Variants in RBFOX1 observed in about 807,000 individuals in gnomAD.
The protein encoded by RBFOX1 is RNA binding protein fox-1 homolog 1.
Under a neutral mutation model 57.7 loss-of-function variants are expected in RBFOX1, and 8 were observed. The ratio of observed to expected loss-of-function variants is 0.14; its 90% CI spans 0.08 to 0.25. The LOEUF is 0.25. RBFOX1 is among the 10% of genes least tolerant of loss of function. RBFOX1 has a pLI of 1.00. For missense variants in RBFOX1, 611 were observed against 548.5 expected (o/e 1.11, Z -1.14); for synonymous variants, 326 against 222.4 (o/e 1.47, Z -4.15).
chr16:6,956,830 A>G (rs1480394048), intron 3 of RBFOX1, among the ~76,000 whole-genome samples: 1 of 152,130 alleles, frequency 6.6e-6, no homozygotes, highest in Non-Finnish European at 1.5e-5. Flanking sequence ...GGCTGGAGCT[A>G]TCCAAGGATT....
At chr16:5,805,774 G>C (rs1206037547) in intron 3 of RBFOX1, among the ~76,000 whole-genome samples, 1 of 152,174 alleles carries the variant, frequency 6.6e-6, no homozygotes, top group Non-Finnish European at 1.5e-5. Context: ...TAGCAGAGAG[G>C]AAGTCAAGAG....
chr16:5,945,126 C>T (rs1273478146), intron 4 of RBFOX1, among the ~76,000 whole-genome samples: 1 of 152,038 alleles, frequency 6.6e-6, no homozygotes, highest in Non-Finnish European at 1.5e-5. Context: ...GCACATCCAT[C>T]CAGGCTTAGA....
At chr16:6,093,755 G>C (rs1287662335) in intron 1 of RBFOX1, among the ~76,000 whole-genome samples, 2 of 151,948 alleles carry the variant, frequency 1.3e-5, no homozygotes, top group African/African-American at 4.8e-5. Context: ...CTAAATAGCT[G>C]GGACCACAGG....
At chr16:7,351,341 C>T (rs2097126845) in intron 4 of RBFOX1, among the ~76,000 whole-genome samples, 2 of 152,252 alleles carry the variant, frequency 1.3e-5, no homozygotes, top group South Asian at 2.1e-4. Context: ...TTAGTTCATT[C>T]CTTTGATAAT....
intron 2 of RBFOX1, among the ~76,000 whole-genome samples, chr16:6,615,556 C>G (rs866937841): frequency 6.7e-6 from 1 of 149,094 alleles, no homozygotes; most frequent in Non-Finnish European, 1.5e-5. Flanking sequence ...GGAGAAAGAG[C>G]GAATCTCCAT....
chr16:7,145,229 G>A (rs1444402941), intron 4 of RBFOX1, among the ~76,000 whole-genome samples: 1 of 151,964 alleles, frequency 6.6e-6, no homozygotes, highest in East Asian at 1.9e-4. Flanking sequence ...TTTTGAGATG[G>A]AGTCTTGCTC....
chr16:7,279,481 A>T (rs574647853), intron 4 of RBFOX1, among the ~76,000 whole-genome samples: 36 of 152,306 alleles, frequency 2.4e-4, no homozygotes, highest in African/African-American at 8.2e-4. Context: ...GCCTGAGCGC[A>T]GCGTCCAGGT....
intron 4 of RBFOX1, among the ~76,000 whole-genome samples, chr16:7,505,621 A>G (rs1453823395): frequency 1.3e-5 from 2 of 152,222 alleles, no homozygotes; most frequent in African/African-American, 4.8e-5. Context: ...TGTAACTCCA[A>G]ATGGAAAATC....
intron 4 of RBFOX1, among the ~76,000 whole-genome samples, chr16:7,076,816 C>T (rs979848894): frequency 1.2e-4 from 19 of 152,316 alleles, no homozygotes; most frequent in South Asian, 2.1e-4. Context: ...CATATACCTC[C>T]TGTGAGCCCT....
At chr16:6,210,365 A>AAAAAAAAAAAAAAAG in intron 1 of RBFOX1, among the ~76,000 whole-genome samples, 1 of 132,776 alleles carries the variant, frequency 7.5e-6, no homozygotes, top group Non-Finnish European at 1.7e-5. Context: ...AAACACCAAA[A>AAAAAAAAAAAAAAAG]AAAAAAAAAA....
In RBFOX1 at chr16:5,291,424, T is replaced by A. The variant is rs535362268; in HGVS notation, c.219+51319T>A. ...ACTACAGGCACCCGCCACCACGCCC[T>A]GCTAATTTTTTTGTATTTTTAGTGG... On this transcript the variant is annotated intron_variant, in intron 1 of 2. Coordinates refer to the RBFOX1 transcript ENST00000585867. Among the ~76,000 whole-genome samples the A allele has an allele frequency of 3.0e-4, 46 of 152,086 alleles. No individual in the cohort carries two copies. In the South Asian group the frequency reaches 9.3e-3, roughly 31 times the overall value.
intron 3 of RBFOX1, among the ~76,000 whole-genome samples, chr16:5,761,505 C>A (rs2053587712): frequency 6.6e-6 from 1 of 152,308 alleles, no homozygotes; most frequent in Admixed American, 6.5e-5. Context: ...GGAGTCCTCA[C>A]AATCATGACA....
At position 6,471,696 on chromosome 16, in the gene RBFOX1, C is replaced by A. The variant is rs527286635; in HGVS notation, c.-64+154639C>A. ...GCTATGCTTCATGAAAGACCATGAGCCACAGGGAAGAGGTTTATTCATCTC... is the reference window on the plus strand; with the variant it reads ...GCTATGCTTCATGAAAGACCATGAGACACAGGGAAGAGGTTTATTCATCTC... On this transcript the variant is annotated intron_variant, in intron 2 of 15. Coordinates refer to ENST00000550418, the MANE Select transcript of RBFOX1 (RefSeq NM_018723.4). 2.4e-4 allele frequency among the ~76,000 whole-genome samples: 37 copies of A among 152,142 alleles called. No homozygotes were observed. The South Asian group carries it at 6.9e-3, about 28-fold the overall frequency.
At chr16:6,839,758 G>T (rs750025178) in intron 3 of RBFOX1, among the ~76,000 whole-genome samples, 3 of 152,192 alleles carry the variant, frequency 2.0e-5, no homozygotes, top group Non-Finnish European at 4.4e-5. Flanking sequence ...AAATTAAGCA[G>T]TTGAAACATT....
At chr16:5,666,234 C>T (rs765444099) in intron 3 of RBFOX1, among the ~76,000 whole-genome samples, 1 of 152,346 alleles carries the variant, frequency 6.6e-6, no homozygotes, top group South Asian at 2.1e-4. Context: ...GCATCTGGTC[C>T]AGTTCCCAGT....
intron 3 of RBFOX1, among the ~76,000 whole-genome samples, chr16:6,660,757 C>T (rs577153263): frequency 8.5e-5 from 11 of 128,774 alleles, no homozygotes; most frequent in Admixed American, 4.9e-4. Context: ...ACTGTAGCTG[C>T]GGTTATTTTT....
chr16:7,414,166 A>C (rs2098457155), intron 4 of RBFOX1, among the ~76,000 whole-genome samples: 1 of 152,256 alleles, frequency 6.6e-6, no homozygotes, highest in African/African-American at 2.4e-5. Context: ...TTAGTTATCC[A>C]ACAAGTGTTT....
chr16:6,085,650 T>TTGTGTG (rs71142678), intron 1 of RBFOX1, among the ~76,000 whole-genome samples: 3,638 of 150,582 alleles, frequency 0.024, 47 homozygotes, highest in African/African-American at 0.032. Flanking sequence ...CAGTGTGTGT[T>TTGTGTG]TGTGTGTGTG....
rs965910569 is a variant in RBFOX1, at chr16:6,504,768, A to G, written c.-63-149835A>G. Among the ~76,000 whole-genome samples the G allele has an allele frequency of 2.6e-5, 4 of 152,284 alleles. No individual in the cohort carries two copies. In the South Asian group the frequency reaches 8.3e-4, roughly 32 times the overall value. ...AATCGGCACTTCTATTTAAAAAACA[A>G]AGTCTGGCCAGGTGCAGTGGCTCAC... On this transcript the variant is annotated intron_variant, in intron 2 of 15. Transcript: ENST00000550418.
Sources: allele counts gnomAD v4.1 joint callset (sites outside exome capture counted in the v4.1 genomes callset), GRCh38; gene constraint gnomAD v4.1.1; transcripts MANE v1.5; gene names NCBI Gene and HGNC (gene_info 2026-07-23, HGNC 2026-07-21).